Variants in HS3ST3A1 observed in about 807,000 individuals in gnomAD.
HS3ST3A1 encodes heparan sulfate-glucosamine 3-sulfotransferase 3A1, also known as heparan sulfate glucosamine 3-O-sulfotransferase 3A1.
A neutral mutation model predicts 25.7 loss-of-function variants in HS3ST3A1; 19 were observed. The ratio of observed to expected loss-of-function variants is 0.74; its 90% confidence interval spans 0.52 to 1.08. HS3ST3A1 has a LOEUF of 1.08. HS3ST3A1 is among the 50% of genes least tolerant of loss of function. HS3ST3A1 has a pLI of 0.00. For synonymous variants in HS3ST3A1, 226 were observed against 278.6 expected (o/e 0.81, Z 1.88); for missense variants, 459 against 594.3 (o/e 0.77, Z 2.37).
At chr17:13,580,166 C>T (rs1304906220) in intron 1 of HS3ST3A1, among the ~76,000 whole-genome samples, 1 of 151,552 alleles carries the variant, frequency 6.6e-6, no homozygotes, top group Non-Finnish European at 1.5e-5. Flanking sequence ...TAAAAATTCA[C>T]AGATTAAAAA....
In HS3ST3A1 at chr17:13,591,661, C is replaced by CTTTTTT. The variant is rs34995100; in HGVS notation, c.599+8864_599+8869dup. Among the ~76,000 whole-genome samples the CTTTTTT allele has an allele frequency of 1.4e-5, 2 of 142,264 alleles. 1 individual carries two copies. 93.3% of individuals were successfully genotyped at this position (142,264 alleles called of 152,430 possible). On this transcript the variant is annotated intron_variant, in intron 1 of 1. Transcript: ENST00000284110. ...TGCCCAAATTTCCTTTTTTCTTCTT[C>CTTTTTT]TTTTTTTTTTTTTTTGGGACAGAGT...
chr17:13,560,289 CAAAAAAAAAAAA>C (rs10632927), intron 1 of HS3ST3A1, among the ~76,000 whole-genome samples: 270 of 17,384 alleles, frequency 0.016, 13 homozygotes, highest in South Asian at 0.088. Context: ...CACTCGTCTC[CAAAAAAAAAAAA>C]AAAAAAAAAA....
intron 1 of HS3ST3A1, chr17:13,543,389 G>T: frequency 6.4e-6 from 1 of 156,068 alleles, no homozygotes. Flanking sequence ...GTGTTATATC[G>T]AGAGATGTGT....
At chr17:13,517,354 C>T (rs189678549) in intron 1 of HS3ST3A1, among the ~76,000 whole-genome samples, 3 of 152,110 alleles carry the variant, frequency 2.0e-5, no homozygotes, top group East Asian at 3.9e-4. Flanking sequence ...AGGTAATGTC[C>T]CTGAGACAAA....
chr17:13,560,187 G>C (rs561610691), intron 1 of HS3ST3A1, among the ~76,000 whole-genome samples: 1 of 148,352 alleles, frequency 6.7e-6, no homozygotes, highest in East Asian at 2.0e-4. Context: ...CTACTCGCGA[G>C]GCTGAGGCAG....
intron 1 of HS3ST3A1, among the ~76,000 whole-genome samples, chr17:13,544,358 A>C (rs1302728144): frequency 6.6e-6 from 1 of 152,230 alleles, no homozygotes; most frequent in Non-Finnish European, 1.5e-5. Flanking sequence ...CGATCTGCAC[A>C]AGCTGTGAGT....
chr17:13,516,414 T>A (rs1026397043), intron 1 of HS3ST3A1, among the ~76,000 whole-genome samples: 2 of 152,214 alleles, frequency 1.3e-5, no homozygotes, highest in Non-Finnish European at 2.9e-5. Flanking sequence ...TAGTTTGTAG[T>A]TTGACTTCGC....
At chr17:13,548,645 G>A (rs1907154632) in intron 1 of HS3ST3A1, among the ~76,000 whole-genome samples, 1 of 152,106 alleles carries the variant, frequency 6.6e-6, no homozygotes, top group African/African-American at 2.4e-5. Flanking sequence ...GGTCGGGCGG[G>A]GACTTGGAGA....
intron 1 of HS3ST3A1, among the ~76,000 whole-genome samples, chr17:13,596,763 C>T (rs978997344): frequency 1.3e-5 from 2 of 152,084 alleles, no homozygotes; most frequent in Non-Finnish European, 2.9e-5. Flanking sequence ...GATTTCATTT[C>T]AAACTCTTCA....
At chr17:13,538,107 C>A (rs1906823360) in intron 1 of HS3ST3A1, among the ~76,000 whole-genome samples, 1 of 152,196 alleles carries the variant, frequency 6.6e-6, no homozygotes, top group Non-Finnish European at 1.5e-5. Context: ...TTAAATGACA[C>A]ATCATCTCTA....
At chr17:13,580,090 G>C (rs1424721136) in intron 1 of HS3ST3A1, among the ~76,000 whole-genome samples, 1 of 152,030 alleles carries the variant, frequency 6.6e-6, no homozygotes, top group East Asian at 1.9e-4. Context: ...TTTTTCGTAA[G>C]GGGCAGCATA....
intron 1 of HS3ST3A1, among the ~76,000 whole-genome samples, chr17:13,571,520 C>T (rs1907811530): frequency 6.6e-6 from 1 of 152,190 alleles, no homozygotes; most frequent in South Asian, 2.1e-4. Context: ...ACCTCAATGA[C>T]TGACAATTTT....
chr17:13,540,046 A>G (rs1217234589), intron 1 of HS3ST3A1, among the ~76,000 whole-genome samples: 1 of 152,242 alleles, frequency 6.6e-6, no homozygotes, highest in Non-Finnish European at 1.5e-5. Context: ...ATCAAGACTG[A>G]TAGACTTCTC....
chr17:13,520,382 C>A (rs145380298), intron 1 of HS3ST3A1, among the ~76,000 whole-genome samples: 1 of 152,128 alleles, frequency 6.6e-6, no homozygotes, highest in Non-Finnish European at 1.5e-5. Context: ...GGAAACAAAC[C>A]TTTGAAAATT....
chr17:13,576,188 A>T (rs1159178601), intron 1 of HS3ST3A1, among the ~76,000 whole-genome samples: 1 of 152,192 alleles, frequency 6.6e-6, no homozygotes, highest in Non-Finnish European at 1.5e-5. Context: ...AATAACAAAC[A>T]TTGATTATCT....
In HS3ST3A1 at chr17:13,570,221, C is replaced by T. The variant is rs1907767573; in HGVS notation, c.599+30310G>A. ...TGGAAGACGTAAATCGTACTCAATG[C>T]TACCAGGAGACAAAGAAGGACCTTC... is the stretch of plus-strand genomic sequence containing the variant. On this transcript the variant is annotated intron_variant, in intron 1 of 1. Transcript: ENST00000284110. Among the ~76,000 whole-genome samples, 5 of 147,212 alleles carry T rather than the reference C, an allele frequency of 3.4e-5. No individual in the cohort carries two copies. In the South Asian group the frequency reaches 1.0e-3, roughly 31 times the overall value.
At chr17:13,520,550 T>C (rs887471841) in intron 1 of HS3ST3A1, among the ~76,000 whole-genome samples, 2 of 152,136 alleles carry the variant, frequency 1.3e-5, no homozygotes, top group Non-Finnish European at 2.9e-5. Context: ...TCTATGTCTG[T>C]AGAACCAGTC....
At chr17:13,517,774 C>A (rs761796641) in intron 1 of HS3ST3A1, among the ~76,000 whole-genome samples, 2 of 152,184 alleles carry the variant, frequency 1.3e-5, no homozygotes, top group Non-Finnish European at 2.9e-5. Context: ...GCCTTAGCCT[C>A]CCAAGTAGCT....
At chr17:13,524,577 C>T (rs568677308) in intron 1 of HS3ST3A1, among the ~76,000 whole-genome samples, 1 of 152,200 alleles carries the variant, frequency 6.6e-6, no homozygotes, top group African/African-American at 2.4e-5. Flanking sequence ...TATATTTATT[C>T]TTGTTTTTCC....
Sources: allele counts gnomAD v4.1 joint callset (sites outside exome capture counted in the v4.1 genomes callset), GRCh38; gene constraint gnomAD v4.1.1; transcripts MANE v1.5; gene names NCBI Gene and HGNC (gene_info 2026-07-23, HGNC 2026-07-21).